Variants in ATR observed in about 807,000 individuals in gnomAD.
ATR encodes the protein serine/threonine-protein kinase ATR.
Under a neutral mutation model 305.3 loss-of-function variants are expected in ATR, and 142 were observed. That is an observed-to-expected ratio of 0.47 (90% CI 0.41 to 0.53). ATR has a LOEUF of 0.53. Among genes scored for constraint, ATR ranks in the 20% least tolerant of loss-of-function variants. The pLI is 0.00. For missense variants in ATR, 2,135 were observed against 3,133.1 expected, an observed-to-expected ratio of 0.68 and a Z score of 7.60; for synonymous variants, 1,050 against 1,068.1, an observed-to-expected ratio of 0.98 and a Z score of 0.33.
At chr3:142,507,311 T>G (rs774414398) in intron 28 of ATR, among the ~76,000 whole-genome samples, 3 of 152,218 alleles carry the variant, frequency 2.0e-5, no homozygotes, top group African/African-American at 7.2e-5. Context: ...AGCATTTTCA[T>G]GCTTGATACC....
chr3:142,543,768 C>T (rs144928985), intron 16 of ATR, among the ~76,000 whole-genome samples: 6,313 of 152,072 alleles, frequency 0.042, 433 homozygotes, highest in African/African-American at 0.14. Flanking sequence ...CTCCTAGACT[C>T]AAGCAATCCT....
chr3:142,571,444 C>T (rs1014222841), intron 1 of ATR, among the ~76,000 whole-genome samples: 3 of 149,482 alleles, frequency 2.0e-5, no homozygotes, highest in African/African-American at 4.9e-5. Context: ...CCAGCCTGGG[C>T]GACAGAGCGA....
intron 35 of ATR, among the ~76,000 whole-genome samples, chr3:142,490,763 G>C (rs1017053922): frequency 6.6e-6 from 1 of 151,926 alleles, no homozygotes; most frequent in Non-Finnish European, 1.5e-5. Context: ...CTTGTAAATG[G>C]TATGTTTTAA....
chr3:142,499,941 C>T (rs2031868146), intron 30 of ATR: 1 of 441,886 alleles, frequency 2.3e-6, no homozygotes. Flanking sequence ...TCTGATACAC[C>T]ATTTAAAATG....
At chr3:142,535,543 T>C (rs1210238394) in intron 20 of ATR, among the ~76,000 whole-genome samples, 4 of 152,194 alleles carry the variant, frequency 2.6e-5, no homozygotes, top group Admixed American at 6.5e-5. Context: ...ATGGATTATA[T>C]AGGTAATTCA....
rs759161034 is a variant in ATR, at chr3:142,554,310, C to T, written c.2342-295G>A. 4.8e-4 allele frequency among the ~76,000 whole-genome samples: 73 copies of T among 152,148 alleles called. 1 individual carries two copies. The highest frequency in any genetic ancestry group is 3.4e-3 in the Middle Eastern group (1 of 294). Reference sequence around the variant, plus strand: ...ATCACGGCTCACTGCAGCATGCAGCCCTGACCTCCCAGGTTCAAGTGATCC... The same window carrying T: ...ATCACGGCTCACTGCAGCATGCAGCTCTGACCTCCCAGGTTCAAGTGATCC... On this transcript the variant is annotated intron_variant, in intron 10 of 46. Transcript: ENST00000350721.
chr3:142,541,531 T>C (rs554447226), intron 17 of ATR, among the ~76,000 whole-genome samples: 30 of 152,272 alleles, frequency 2.0e-4, no homozygotes, highest in Middle Eastern at 3.4e-3. Context: ...GTAAAACAAA[T>C]AATTAATGAT....
At chr3:142,471,660 CAT>C (rs780287284) in intron 36 of ATR, among the ~76,000 whole-genome samples, 67 of 152,174 alleles carry the variant, frequency 4.4e-4, no homozygotes, top group Non-Finnish European at 5.3e-4. Context: ...TTATTGTGCA[CAT>C]GTTTTGAAAC....
chr3:142,550,969 T>C (rs1425798296), intron 13 of ATR, among the ~76,000 whole-genome samples: 1 of 152,118 alleles, frequency 6.6e-6, no homozygotes, highest in African/African-American at 2.4e-5. Flanking sequence ...GTATTTTTAG[T>C]AGACATGGGG....
intron 19 of ATR, among the ~76,000 whole-genome samples, chr3:142,536,560 C>G (rs2108428354): frequency 6.6e-6 from 1 of 152,300 alleles, no homozygotes; most frequent in South Asian, 2.1e-4. Context: ...AAAATGCCTG[C>G]AAGTTTCCAT....
intron 5 of ATR, 33 bp downstream of exon 5, chr3:142,561,209 TG>T: frequency 2.5e-6 from 4 of 1,597,778 alleles, no homozygotes; most frequent in Non-Finnish European, 3.4e-6. Flanking sequence ...TTTTATTTAA[TG>T]GCTAAATACA....
intron 19 of ATR, 143 bp downstream of exon 19, chr3:142,538,339 T>C: frequency 2.3e-6 from 2 of 861,522 alleles, no homozygotes; most frequent in Non-Finnish European, 3.5e-6. Flanking sequence ...TTTCAATATG[T>C]AATTACATGC....
chr3:142,574,776 CCT>C (rs1338982226), intron 1 of ATR, among the ~76,000 whole-genome samples: 1 of 152,128 alleles, frequency 6.6e-6, no homozygotes, highest in Non-Finnish European at 1.5e-5. Flanking sequence ...TGAGCAGGGC[CCT>C]GTCAGTCATG....
chr3:142,493,568 A>G (rs2031414355), intron 34 of ATR, among the ~76,000 whole-genome samples: 1 of 152,162 alleles, frequency 6.6e-6, no homozygotes, highest in Non-Finnish European at 1.5e-5. Context: ...CCAACAGTGG[A>G]TAGAAAATAT....
chr3:142,551,365 T>A (rs2034464236), intron 13 of ATR, among the ~76,000 whole-genome samples: 1 of 152,156 alleles, frequency 6.6e-6, no homozygotes, highest in Non-Finnish European at 1.5e-5. Flanking sequence ...GTTAGAGGTT[T>A]CAGTGAGTTA....
chr3:142,513,447 T>C (rs2108374965), intron 26 of ATR, 54 bp downstream of exon 26: 1 of 1,584,886 alleles, frequency 6.3e-7, no homozygotes, highest in East Asian at 2.2e-5. Context: ...ACTAATTACA[T>C]TGGAGAAAGT....
At chr3:142,512,115 T>C (rs970044598) in intron 27 of ATR, 145 bp downstream of exon 27, 5 of 780,558 alleles carry the variant, frequency 6.4e-6, no homozygotes, top group Non-Finnish European at 8.0e-6. Context: ...GGAAACTCCA[T>C]CTCCAAACAA....
chr3:142,460,098 A>G (rs572421570), intron 42 of ATR, among the ~76,000 whole-genome samples: 1 of 152,232 alleles, frequency 6.6e-6, no homozygotes, highest in East Asian at 1.9e-4. Context: ...ACTCTGACTC[A>G]AGTGTCTCTG....
intron 36 of ATR, among the ~76,000 whole-genome samples, chr3:142,472,941 G>A (rs533021861): frequency 3.5e-4 from 53 of 152,130 alleles, no homozygotes; most frequent in African/African-American, 1.2e-3. Context: ...TGCCTGGCCA[G>A]GTGATTTGCT....
Sources: gnomAD v4.1 joint callset for allele counts (sites outside exome capture counted in the v4.1 genomes callset) on GRCh38, gnomAD v4.1.1 for gene constraint, MANE v1.5 for transcripts, NCBI Gene and HGNC (gene_info 2026-07-23, HGNC 2026-07-21) for gene names.